Variants in DNAJB6 observed in about 807,000 individuals in gnomAD.
DNAJB6 encodes dnaJ homolog subfamily B member 6.
In DNAJB6, 16 loss-of-function variants were observed where a neutral mutation model predicts 42.7. The ratio of observed to expected loss-of-function variants is 0.37; its 90% CI spans 0.25 to 0.57. The LOEUF is 0.57. Among genes scored for constraint, DNAJB6 ranks in the 20% least tolerant of loss-of-function variants. DNAJB6 has a pLI of 0.74. For synonymous variants in DNAJB6, 170 were observed against 163.5 expected (o/e 1.04, Z -0.30); for missense variants, 347 against 416.8 (o/e 0.83, Z 1.46).
intron 2 of DNAJB6, among the ~76,000 whole-genome samples, chr7:157,361,462 A>C (rs956069950): frequency 6.6e-6 from 1 of 152,066 alleles, no homozygotes; most frequent in East Asian, 1.9e-4. Flanking sequence ...CGGCTGCTAC[A>C]TGTTTGTTTA....
intron 5 of DNAJB6, chr7:157,370,982 G>C (rs1800181036): frequency 1.3e-5 from 2 of 152,346 alleles, no homozygotes. Flanking sequence ...TGGCCTGTTG[G>C]GAACAGGAGG....
chr7:157,387,727 A>G (rs1205451041), intron 8 of DNAJB6, among the ~76,000 whole-genome samples: 1 of 152,236 alleles, frequency 6.6e-6, no homozygotes, highest in Non-Finnish European at 1.5e-5. Flanking sequence ...AGTTTACTCA[A>G]CATGGTGTTA....
At chr7:157,396,636 C>G (rs1050353858) in intron 8 of DNAJB6, among the ~76,000 whole-genome samples, 2 of 152,194 alleles carry the variant, frequency 1.3e-5, no homozygotes, top group Non-Finnish European at 2.9e-5. Context: ...TCCACTCTCT[C>G]TGCTGCCCTC....
chr7:157,404,603 C>T (rs1278061232), intron 8 of DNAJB6, among the ~76,000 whole-genome samples: 2 of 151,514 alleles, frequency 1.3e-5, no homozygotes, highest in East Asian at 1.9e-4. Context: ...CTCTGCCTCC[C>T]AGGCTCAAGC....
At chr7:157,393,404 G>T (rs1019463134) in intron 8 of DNAJB6, among the ~76,000 whole-genome samples, 2 of 152,270 alleles carry the variant, frequency 1.3e-5, no homozygotes, top group Admixed American at 1.3e-4. Flanking sequence ...CCAGCAGGCT[G>T]ATTTTAGTAT....
At chr7:157,391,748 C>T (rs1466741560) in intron 8 of DNAJB6, among the ~76,000 whole-genome samples, 1 of 152,126 alleles carries the variant, frequency 6.6e-6, no homozygotes, top group Non-Finnish European at 1.5e-5. Context: ...CTTGCAGGAG[C>T]AGTTGGTTAA....
intron 8 of DNAJB6, among the ~76,000 whole-genome samples, chr7:157,392,359 GTTTT>G (rs371536881): frequency 7.3e-6 from 1 of 137,896 alleles, no homozygotes; most frequent in Admixed American, 7.3e-5. Flanking sequence ...TTGAAAGTGG[GTTTT>G]TTTTTTTTTT....
chr7:157,362,523 T>C (rs1799655518), intron 2 of DNAJB6, among the ~76,000 whole-genome samples: 1 of 152,140 alleles, frequency 6.6e-6, no homozygotes, highest in African/African-American at 2.4e-5. Flanking sequence ...TACAGTCAAG[T>C]ACCACAATGC....
chr7:157,393,689 T>C (rs1356390938), intron 8 of DNAJB6, among the ~76,000 whole-genome samples: 1 of 152,220 alleles, frequency 6.6e-6, no homozygotes, highest in Admixed American at 6.5e-5. Context: ...ATTAAAAATG[T>C]TTTTAAATTA....
At chr7:157,403,352 A>G (rs945120849) in intron 8 of DNAJB6, among the ~76,000 whole-genome samples, 1 of 152,210 alleles carries the variant, frequency 6.6e-6, no homozygotes, top group Non-Finnish European at 1.5e-5. Flanking sequence ...ACCTGTGAAG[A>G]TAAGCTGTCC....
intron 7 of DNAJB6, 109 bp downstream of exon 7, chr7:157,385,117 T>A: frequency 8.6e-7 from 1 of 1,161,956 alleles, no homozygotes; most frequent in Non-Finnish European, 1.2e-6. Context: ...GTATGCTAAA[T>A]CTGGCGCCAT....
At chr7:157,415,916 T>C in intron 9 of DNAJB6, 100 bp from the exon 10 acceptor site, 1 of 1,594,338 alleles carries the variant, frequency 6.3e-7, no homozygotes, top group Non-Finnish European at 8.6e-7. Flanking sequence ...TTTTGTTGCT[T>C]TTTGTTCTTA....
intron 5 of DNAJB6, among the ~76,000 whole-genome samples, chr7:157,377,479 G>A (rs1800529451): frequency 6.6e-6 from 1 of 152,212 alleles, no homozygotes; most frequent in Non-Finnish European, 1.5e-5. Context: ...ATCTGCATGA[G>A]TCTAGAGAAA....
intron 1 of DNAJB6, among the ~76,000 whole-genome samples, chr7:157,349,177 C>T (rs1035020689): frequency 1.4e-4 from 21 of 152,244 alleles, no homozygotes; most frequent in African/African-American, 2.6e-4. Flanking sequence ...GACCCTGCAA[C>T]GGCCATGTGC....
At chr7:157,349,528 G>C (rs192737120) in intron 1 of DNAJB6, among the ~76,000 whole-genome samples, 1 of 152,042 alleles carries the variant, frequency 6.6e-6, no homozygotes. Context: ...GGTCACCCAG[G>C]TTGGCGTGCA....
Position 157,340,583 on chromosome 7 carries a change from C to G in DNAJB6, c.-27+3439C>G, listed in dbSNP as rs746932807. ...ATGAGGTGTTTTGTCAAACAAAACCCTTTATGTTTTTGTATGGACATAAAT... is the reference window on the plus strand; with the variant it reads ...ATGAGGTGTTTTGTCAAACAAAACCGTTTATGTTTTTGTATGGACATAAAT... On this transcript the variant is annotated intron_variant, in intron 1 of 9. Transcript: ENST00000262177. Among the ~76,000 whole-genome samples, 13 of 152,118 alleles carry G rather than the reference C, an allele frequency of 8.5e-5. No individual in the cohort carries two copies. In the South Asian group the frequency reaches 1.5e-3, roughly 17 times the overall value.
At chr7:157,405,160 A>G (rs931488347) in intron 8 of DNAJB6, among the ~76,000 whole-genome samples, 1 of 152,206 alleles carries the variant, frequency 6.6e-6, no homozygotes, top group Admixed American at 6.5e-5. Context: ...CGGCGATGGC[A>G]GAGATAAGAA....
intron 3 of DNAJB6, among the ~76,000 whole-genome samples, chr7:157,363,549 G>A (rs1799709443): frequency 6.6e-6 from 1 of 152,180 alleles, no homozygotes; most frequent in African/African-American, 2.4e-5. Flanking sequence ...AGGAACCTGG[G>A]AGAGAGGAGG....
At chr7:157,380,370 T>C (rs1390016714) in intron 5 of DNAJB6, 1 of 152,224 alleles carries the variant, frequency 6.6e-6, no homozygotes, top group Non-Finnish European at 1.5e-5. Context: ...GTTCCTAGTT[T>C]CAGATAAAAG....
Sources: allele counts gnomAD v4.1 joint callset (sites outside exome capture counted in the v4.1 genomes callset), GRCh38; gene constraint gnomAD v4.1.1; transcripts MANE v1.5; gene names NCBI Gene and HGNC (gene_info 2026-07-23, HGNC 2026-07-21).